DIAPH2: variants seen among roughly 807,000 people sequenced by gnomAD.
DIAPH2 encodes the protein diaphanous related formin 2, also known as protein diaphanous homolog 2.
Under a neutral mutation model 92.7 loss-of-function variants are expected in DIAPH2, and 35 were observed. That is an observed-to-expected ratio of 0.38 (90% CI 0.29 to 0.50). The LOEUF (loss-of-function observed/expected upper bound fraction) is 0.50, where lower values mean the gene tolerates loss of function less well. Ranked by LOEUF, DIAPH2 falls within the 20% of genes least tolerant of loss-of-function variation. The pLI is 0.94. For missense variants in DIAPH2, 701 were observed against 819.5 expected, an observed-to-expected ratio of 0.86 and a Z score of 1.77; for synonymous variants, 301 against 280.4, an observed-to-expected ratio of 1.07 and a Z score of -0.73.
intron 17 of DIAPH2, among the ~76,000 whole-genome samples, chrX:97,068,119 A>G (rs1394427152): frequency 8.9e-6 from 1 of 111,815 alleles, no homozygotes; most frequent in African/African-American, 3.2e-5. Context: ...TTTCAATTTG[A>G]TGACTGTTAA....
intron 2 of DIAPH2, among the ~76,000 whole-genome samples, chrX:96,736,498 C>T (rs931756858): frequency 9.0e-5 from 10 of 111,303 alleles, no homozygotes; most frequent in Non-Finnish European, 1.9e-4. Context: ...CCTCCACTTC[C>T]CTGGTTCAAG....
chrX:97,467,305 T>C (rs908461390), intron 26 of DIAPH2, among the ~76,000 whole-genome samples: 28 of 112,468 alleles, frequency 2.5e-4, no homozygotes, highest in Non-Finnish European at 1.7e-4. Flanking sequence ...TCTAGAAAAC[T>C]AGTCATAGTT....
intron 26 of DIAPH2, among the ~76,000 whole-genome samples, chrX:97,562,457 G>T (rs777680292): frequency 9.1e-6 from 1 of 110,152 alleles, no homozygotes; most frequent in Non-Finnish European, 1.9e-5. Flanking sequence ...AGTGAACCGA[G>T]ATCGCGCCAC....
chrX:96,936,607 A>T (rs1453411097), intron 10 of DIAPH2, among the ~76,000 whole-genome samples: 1 of 111,999 alleles, frequency 8.9e-6, no homozygotes, highest in Non-Finnish European at 1.9e-5. Flanking sequence ...CTTATAATGT[A>T]TTACAAAAAC....
At chrX:97,153,238 A>T (rs17256521) in intron 22 of DIAPH2, among the ~76,000 whole-genome samples, 43,913 of 110,669 alleles carry the variant, frequency 0.4, 7,671 homozygotes, top group Non-Finnish European at 0.54. Context: ...GTATGAGGAT[A>T]TTAATTCCAG....
chrX:96,738,900 A>G (rs1202056962), intron 3 of DIAPH2, 138 bp downstream of exon 3: 4 of 448,998 alleles, frequency 8.9e-6, no homozygotes, highest in Non-Finnish European at 1.4e-5. Flanking sequence ...TAACAAAACT[A>G]TTTGCAAAAG....
At chrX:96,731,878 C>T (rs1205212076) in intron 1 of DIAPH2, among the ~76,000 whole-genome samples, 1 of 111,633 alleles carries the variant, frequency 9.0e-6, no homozygotes, top group Non-Finnish European at 1.9e-5. Flanking sequence ...TATATGGTCA[C>T]TATATTTATT....
At chrX:97,171,428 A>G (rs762726856) in intron 22 of DIAPH2, among the ~76,000 whole-genome samples, 1 of 111,808 alleles carries the variant, frequency 8.9e-6, no homozygotes, top group East Asian at 2.8e-4. Context: ...ATACTCTGAT[A>G]ATGGTCGGTC....
intron 22 of DIAPH2, among the ~76,000 whole-genome samples, chrX:97,219,531 T>G (rs1294492710): frequency 8.9e-6 from 1 of 112,066 alleles, no homozygotes; most frequent in Non-Finnish European, 1.9e-5. Context: ...CCTATATCCA[T>G]TAAGTTTTAT....
At chrX:97,330,472 G>C (rs5921787) in intron 23 of DIAPH2, among the ~76,000 whole-genome samples, 2,596 of 109,950 alleles carry the variant, frequency 0.024, 28 homozygotes, top group Middle Eastern at 0.042. Flanking sequence ...TGTCCTCAAG[G>C]CTCATCCATG....
chrX:97,271,664 C>T (rs1436818766), intron 23 of DIAPH2, among the ~76,000 whole-genome samples: 6 of 110,485 alleles, frequency 5.4e-5, no homozygotes, highest in African/African-American at 2.0e-4. Context: ...GAAAATGCAA[C>T]AACATCATTG....
At chrX:97,012,081 A>G (rs982531013) in intron 17 of DIAPH2, among the ~76,000 whole-genome samples, 1 of 110,441 alleles carries the variant, frequency 9.1e-6, no homozygotes, top group Non-Finnish European at 1.9e-5. Context: ...CATGAAAACA[A>G]TTAGCCACCA....
chrX:96,781,863 T>G (rs929912708), intron 4 of DIAPH2, among the ~76,000 whole-genome samples: 3 of 110,944 alleles, frequency 2.7e-5, no homozygotes, highest in African/African-American at 9.8e-5. Context: ...ACCAGATAAC[T>G]GTTATGTGGT....
At chrX:97,046,858 C>T (rs2066487602) in intron 17 of DIAPH2, among the ~76,000 whole-genome samples, 1 of 110,583 alleles carries the variant, frequency 9.0e-6, no homozygotes, top group Admixed American at 9.6e-5. Context: ...AGCAGGGTTA[C>T]TTGATCAACT....
chrX:96,708,386 C>T (rs955669867), intron 1 of DIAPH2, among the ~76,000 whole-genome samples: 9 of 109,549 alleles, frequency 8.2e-5, no homozygotes, highest in Non-Finnish European at 1.5e-4. Flanking sequence ...GGATTACAGG[C>T]GCCTGCCACC....
At chrX:97,459,536 C>T (rs759155515) in intron 26 of DIAPH2, among the ~76,000 whole-genome samples, 5 of 112,055 alleles carry the variant, frequency 4.5e-5, no homozygotes, top group Admixed American at 2.8e-4. Flanking sequence ...TTCCTTGGAA[C>T]GTTTTATTGA....
At chrX:97,347,865 T>G (rs1339954838) in intron 23 of DIAPH2, among the ~76,000 whole-genome samples, 2 of 111,155 alleles carry the variant, frequency 1.8e-5, no homozygotes, top group Non-Finnish European at 3.8e-5. Context: ...TGGAGAGACC[T>G]CAGAAGAAAC....
intron 22 of DIAPH2, among the ~76,000 whole-genome samples, chrX:97,217,579 C>T (rs1006295526): frequency 1.8e-5 from 2 of 112,002 alleles, no homozygotes; most frequent in Non-Finnish European, 3.8e-5. Flanking sequence ...GAGTTTTTTT[C>T]CCATCATTTT....
Position 96,837,433 on chromosome X carries a change from C to CTCTCTG in DIAPH2, c.448-44145_448-44144insCTCTGT, listed in dbSNP as rs1189132418. Among the ~76,000 whole-genome samples, 229 of 41,322 alleles carry CTCTCTG rather than the reference C, an allele frequency of 5.5e-3. 1 individual carries two copies. The highest frequency in any genetic ancestry group is 0.018 in the African/African-American group (96 of 5,417). The allele number at this position is 41,322 out of a possible 115,157, so 35.9% of individuals were successfully genotyped here. On this transcript the variant is annotated intron_variant, in intron 4 of 26. Coordinates refer to ENST00000324765, the MANE Select transcript of DIAPH2 (RefSeq NM_006729.5). The stretch of plus-strand genomic sequence containing the variant: ...TCTCTCTCTCTCTCTCTCTCTCTCT[C>CTCTCTG]TGTGTGTGTGTGTGTGTGTGTGTGT...
Sources: gnomAD v4.1 joint callset for allele counts (sites outside exome capture counted in the v4.1 genomes callset) on GRCh38, gnomAD v4.1.1 for gene constraint, MANE v1.5 for transcripts, NCBI Gene and HGNC (gene_info 2026-07-23, HGNC 2026-07-21) for gene names.